Variants in MYO9A observed in about 807,000 individuals in gnomAD.
MYO9A encodes the protein myosin IXA.
MYO9A carries 103 observed loss-of-function variants against 293.3 expected under a neutral mutation model. The observed-to-expected ratio is 0.35, with a 90% confidence interval of 0.30 to 0.41. MYO9A has a LOEUF of 0.41. Ranked by LOEUF, MYO9A falls within the 10% of genes least tolerant of loss-of-function variation. MYO9A has a pLI of 1.00. For synonymous variants in MYO9A, 1,001 were observed against 1,035.7 expected, an observed-to-expected ratio of 0.97 and a Z score of 0.64; for missense variants, 2,685 against 3,033.0, an observed-to-expected ratio of 0.89 and a Z score of 2.69.
chr15:71,939,742 G>A (rs1388038973), intron 15 of MYO9A, among the ~76,000 whole-genome samples: 4 of 152,162 alleles, frequency 2.6e-5, no homozygotes, highest in African/African-American at 7.2e-5. Flanking sequence ...TGATAAACAT[G>A]TAAGTTCCGT....
At position 72,091,176 on chromosome 15, in the gene MYO9A, A is replaced by G. The variant is rs1424832274; in HGVS notation, c.-72+26504T>C. Among the ~76,000 whole-genome samples the G allele has an allele frequency of 2.6e-5, 4 of 151,336 alleles. No homozygotes were observed. In the East Asian group the frequency reaches 5.9e-4, roughly 22 times the overall value. On this transcript the variant is annotated intron_variant, in intron 1 of 41. Transcript: ENST00000356056. The stretch of plus-strand genomic sequence containing the variant: ...ACTTCACCACTGCACCACAGCCTGC[A>G]TAACAGAGTAAGATCTGTCTCAAAA...
chr15:72,112,082 A>T (rs1242506322), intron 1 of MYO9A, among the ~76,000 whole-genome samples: 1 of 152,246 alleles, frequency 6.6e-6, no homozygotes, highest in Non-Finnish European at 1.5e-5. Context: ...ATTCACAGAT[A>T]TAAAAGCCTA....
intron 18 of MYO9A, among the ~76,000 whole-genome samples, chr15:71,933,423 T>C (rs991859384): frequency 4.4e-4 from 67 of 152,210 alleles, no homozygotes; most frequent in African/African-American, 1.6e-3. Context: ...CTAAACAACA[T>C]TTATATTCAG....
chr15:72,100,559 G>A (rs1407937723), intron 1 of MYO9A, among the ~76,000 whole-genome samples: 4 of 151,610 alleles, frequency 2.6e-5, no homozygotes, highest in South Asian at 2.1e-4. Context: ...AGTGAGGAGC[G>A]TCTCTGCCCG....
rs901763627 is a variant in MYO9A, at chr15:71,975,419, G to GTGTGTGTT, written c.1844+2751_1844+2752insAACACACA. On this transcript the variant is annotated intron_variant, in intron 12 of 41. Transcript: ENST00000356056. ...TGTGTGTGTGTGTGTGTGTGTGTGT[G>GTGTGTGTT]TGTGTGTGTAGGTTTTCGTCCATGG... Among the ~76,000 whole-genome samples, 8 of 151,240 alleles carry GTGTGTGTT rather than the reference G, an allele frequency of 5.3e-5. 1 individual carries two copies. Among genetic ancestry groups the GTGTGTGTT allele is most frequent in the Middle Eastern group, 6.8e-3 (2 of 294 alleles).
At chr15:72,117,426 G>C (rs1218326837) in intron 1 of MYO9A, among the ~76,000 whole-genome samples, 1 of 152,164 alleles carries the variant, frequency 6.6e-6, no homozygotes, top group African/African-American at 2.4e-5. Context: ...GGGTCTGCTG[G>C]GTTGGGGGGA....
At chr15:72,107,812 C>CACT (rs34453440) in intron 1 of MYO9A, among the ~76,000 whole-genome samples, 1 of 147,726 alleles carries the variant, frequency 6.8e-6, no homozygotes, top group Admixed American at 6.7e-5. Flanking sequence ...AAAAAAAAAA[C>CACT]GTCTGCAAAT....
intron 40 of MYO9A, 71 bp downstream of exon 40, chr15:71,830,034 AAAAT>A: frequency 6.9e-7 from 1 of 1,448,490 alleles, no homozygotes. Flanking sequence ...TAAATAAGAA[AAAAT>A]AAAGAAACGA....
chr15:72,050,136 C>T (rs182278226), intron 1 of MYO9A, among the ~76,000 whole-genome samples: 2 of 151,840 alleles, frequency 1.3e-5, no homozygotes, highest in East Asian at 3.9e-4. Flanking sequence ...TTATCAATTA[C>T]TGCTTTGTGG....
intron 1 of MYO9A, among the ~76,000 whole-genome samples, chr15:72,096,149 C>T (rs577472865): frequency 3.6e-4 from 47 of 128,888 alleles, no homozygotes; most frequent in Admixed American, 1.1e-3. Flanking sequence ...AGTGACAGAG[C>T]GAGACTGTCT....
At chr15:71,967,384 G>A (rs779337399) in intron 13 of MYO9A, among the ~76,000 whole-genome samples, 11 of 152,120 alleles carry the variant, frequency 7.2e-5, no homozygotes, top group Non-Finnish European at 4.4e-5. Context: ...ATAAATGGAT[G>A]AATAAATGAT....
Position 72,007,690 on chromosome 15 carries a change from A to C in MYO9A, c.1380+136T>G, listed in dbSNP as rs3759820. 0.7 allele frequency: 524,022 copies of C among 749,876 alleles called. 186,683 individuals carry two copies. Among genetic ancestry groups the C allele is most frequent in the Non-Finnish European group, 0.73 (374,538 of 512,048 alleles). 46.5% of individuals were successfully genotyped at this position (749,876 alleles called of 1,614,324 possible). ...TCAGGAAAAATTAGATCTTTTGGAA[A>C]TGCTATTTAAAAATAGTGCCTAATA... On this transcript the variant is annotated intron_variant, in intron 8 of 41. Transcript: ENST00000356056.
chr15:71,912,587 A>G (rs148279435), intron 19 of MYO9A, among the ~76,000 whole-genome samples: 17 of 152,256 alleles, frequency 1.1e-4, no homozygotes, highest in Non-Finnish European at 2.5e-4. Flanking sequence ...ATTAGCCTAC[A>G]TTTCTATCAA....
intron 1 of MYO9A, among the ~76,000 whole-genome samples, chr15:72,067,484 T>G (rs2079056592): frequency 6.6e-6 from 1 of 152,096 alleles, no homozygotes; most frequent in Admixed American, 6.5e-5. Context: ...GGTTTCACCA[T>G]GCTGACCAGG....
intron 1 of MYO9A, chr15:72,116,733 T>C (rs879823105): frequency 6.6e-6 from 1 of 152,216 alleles, no homozygotes; most frequent in Admixed American, 6.5e-5. Flanking sequence ...GACGACATAG[T>C]TATATCCACT....
rs776278367 is a variant in MYO9A, at chr15:71,999,946, A to G, written c.1381-6T>C. 19 of 1,603,870 alleles carry G rather than the reference A, an allele frequency of 1.2e-5. No homozygotes were observed. The Middle Eastern group carries it at 1.5e-3, about 126-fold the overall frequency. On this transcript the variant is annotated splice_polypyrimidine_tract_variant and splice_region_variant and intron_variant, in intron 8 of 41. Transcript: ENST00000356056. ...AATAGCATCTCTTCTTTAACCTATAAAACAGAAAAGTAAACTCAATATGTA... is the reference window on the plus strand; with the variant it reads ...AATAGCATCTCTTCTTTAACCTATAGAACAGAAAAGTAAACTCAATATGTA...
At chr15:71,924,795 C>T (rs1215760798) in intron 18 of MYO9A, among the ~76,000 whole-genome samples, 1 of 151,956 alleles carries the variant, frequency 6.6e-6, no homozygotes, top group Non-Finnish European at 1.5e-5. Context: ...TGACACATGC[C>T]TGTAACCCCA....
At chr15:71,993,027 C>T (rs945374288) in intron 10 of MYO9A, among the ~76,000 whole-genome samples, 5 of 151,908 alleles carry the variant, frequency 3.3e-5, no homozygotes, top group African/African-American at 1.2e-4. Context: ...AAACTATAGG[C>T]CTCCACAAAT....
chr15:71,991,836 C>T (rs1481720854), intron 10 of MYO9A, among the ~76,000 whole-genome samples: 1 of 152,162 alleles, frequency 6.6e-6, no homozygotes. Flanking sequence ...TCACTGTAAC[C>T]TCTGCCACCG....
Sources: gnomAD v4.1 joint callset for allele counts (sites outside exome capture counted in the v4.1 genomes callset) on GRCh38, gnomAD v4.1.1 for gene constraint, MANE v1.5 for transcripts, NCBI Gene and HGNC (gene_info 2026-07-23, HGNC 2026-07-21) for gene names.